SEMA6A: variants seen among roughly 807,000 people sequenced by gnomAD.
SEMA6A encodes the protein semaphorin-6A.
Under a neutral mutation model 96.8 loss-of-function variants are expected in SEMA6A, and 25 were observed. That is an observed-to-expected ratio of 0.26 (90% CI 0.19 to 0.36). The LOEUF (loss-of-function observed/expected upper bound fraction) is 0.36, where lower values mean the gene tolerates loss of function less well. Among genes scored for constraint, SEMA6A ranks in the 10% least tolerant of loss-of-function variants. SEMA6A has a pLI of 1.00. For missense variants in SEMA6A, 1,363 were observed against 1,323.1 expected, an observed-to-expected ratio of 1.03 and a Z score of -0.47; for synonymous variants, 612 against 518.0, an observed-to-expected ratio of 1.18 and a Z score of -2.46.
Position 116,486,800 on chromosome 5 carries a change from C to A in SEMA6A, c.911G>T (p.Arg304Leu). 6.2e-7 allele frequency: 1 copy of A among 1,613,794 alleles called. No homozygotes were observed. Among genetic ancestry groups the A allele is most frequent in the Non-Finnish European group, 8.5e-7 (1 of 1,179,798 alleles). The change falls in exon 10 of 19, where the codon CGT (arginine) becomes CTT (leucine). Residue 304 changes from arginine to leucine, a missense_variant. Physicochemically the swap from Arg to Leu is moderately radical, Grantham distance 102 (BLOSUM62 -2). Around this residue, in one of 2 missense-constraint regions of SEMA6A, gnomAD observed 480 missense variants for 559.5 expected, o/e 0.86. Coordinates refer to ENST00000343348, the MANE Select transcript of SEMA6A (RefSeq NM_020796.5). The part of the protein sequence containing the change: ...NILQAVTDVI[R>L]INGRDVVLAT... The stretch of plus-strand genomic sequence containing the variant: ...CAGGACAACATCACGCCCGTTGATA[C>A]GAATCACATCTGTAACTGCCTGGAG...
chr5:116,545,412 A>T (rs1205234831), intron 1 of SEMA6A, among the ~76,000 whole-genome samples: 1 of 152,150 alleles, frequency 6.6e-6, no homozygotes, highest in African/African-American at 2.4e-5. Context: ...TCTACTAAAA[A>T]TACAAAAATT....
At chr5:116,487,369 T>G (rs917978134) in intron 9 of SEMA6A, 20 of 181,358 alleles carry the variant, frequency 1.1e-4, no homozygotes, top group Non-Finnish European at 1.9e-4. Flanking sequence ...ACCCTCCAAC[T>G]TAGGGACCTT....
chr5:116,478,360 A>G (rs1458339802), intron 13 of SEMA6A, 182 bp downstream of exon 13: 4 of 606,500 alleles, frequency 6.6e-6, no homozygotes, highest in Non-Finnish European at 1.1e-5. Flanking sequence ...ATCTATATAA[A>G]CACACACACA....
intron 6 of SEMA6A, among the ~76,000 whole-genome samples, chr5:116,492,872 TA>T (rs569339176): frequency 8.5e-4 from 129 of 152,324 alleles, no homozygotes; most frequent in African/African-American, 2.8e-3. Flanking sequence ...GATCTGTTGA[TA>T]AAAAGCACTT....
At position 116,478,657 on chromosome 5, in the gene SEMA6A, C is replaced by A. The variant is rs780858695; in HGVS notation, c.1312G>T (p.Val438Phe). 11 of 1,613,660 alleles carry A rather than the reference C, an allele frequency of 6.8e-6. No individual in the cohort carries two copies. The highest frequency in any genetic ancestry group is 9.3e-6 in the Non-Finnish European group (11 of 1,179,826). ...ATTCCCTTCTCTGATCCCAGAAAAA[C>A]CACAGTGTGATTCTGATATGGCCCA... ...AAGPYQNHTVVFLGSEKGIIL... is the reference protein window; with the variant it reads ...AAGPYQNHTVFFLGSEKGIIL... The change falls in exon 13 of 19, where the codon GTT becomes TTT. Residue 438 changes from valine to phenylalanine, a missense_variant. Val to Phe is a conservative substitution (Grantham distance 50, BLOSUM62 -1). Transcript: ENST00000343348.
At chr5:116,451,369 G>A (rs1327137515) in intron 18 of SEMA6A, among the ~76,000 whole-genome samples, 1 of 152,168 alleles carries the variant, frequency 6.6e-6, no homozygotes, top group African/African-American at 2.4e-5. Flanking sequence ...TGGGAGAGGA[G>A]TAGACCTGTG....
chr5:116,505,139 C>G (rs746632685), intron 1 of SEMA6A, among the ~76,000 whole-genome samples, 157 bp from the exon 2 acceptor site: 8 of 152,104 alleles, frequency 5.3e-5, no homozygotes, highest in Non-Finnish European at 1.0e-4. Context: ...AACTTGTACC[C>G]GTTACCTACT....
intron 1 of SEMA6A, among the ~76,000 whole-genome samples, chr5:116,514,993 AGTGAAGAT>A (rs1298117713): frequency 6.6e-6 from 1 of 152,254 alleles, no homozygotes; most frequent in African/African-American, 2.4e-5. Context: ...CCACCTGGAA[AGTGAAGAT>A]GTTGCAGAGG....
intron 10 of SEMA6A, among the ~76,000 whole-genome samples, chr5:116,483,459 C>A (rs1334551029): frequency 6.6e-6 from 1 of 152,148 alleles, no homozygotes; most frequent in Non-Finnish European, 1.5e-5. Context: ...GCGCCCAGGA[C>A]AAGAGACACG....
At position 116,544,449 on chromosome 5, in the gene SEMA6A, C is replaced by G. The variant is rs376600471; in HGVS notation, c.-39+29736G>C. On this transcript the variant is annotated intron_variant, in intron 1 of 18. Coordinates refer to ENST00000343348, the MANE Select transcript of SEMA6A (RefSeq NM_020796.5). ...GAGATGACAGGCATGTGCCACCATGCCCAGCGAAATTTTTGAATATTTTTT... is the reference window on the plus strand; with the variant it reads ...GAGATGACAGGCATGTGCCACCATGGCCAGCGAAATTTTTGAATATTTTTT... Among the ~76,000 whole-genome samples, 92 of 152,004 alleles carry G rather than the reference C, an allele frequency of 6.1e-4. No individual in the cohort carries two copies. The East Asian group carries it at 0.012, about 20-fold the overall frequency.
intron 10 of SEMA6A, among the ~76,000 whole-genome samples, chr5:116,486,466 A>C (rs541388196): frequency 6.6e-6 from 1 of 152,310 alleles, no homozygotes; most frequent in Non-Finnish European, 1.5e-5. Context: ...TAGGATTACT[A>C]GAAGGATTTA....
intron 18 of SEMA6A, among the ~76,000 whole-genome samples, chr5:116,461,959 C>G (rs1755433144): frequency 6.6e-6 from 1 of 152,106 alleles, no homozygotes; most frequent in African/African-American, 2.4e-5. Flanking sequence ...GGTAATATTA[C>G]TGAAGAAATG....
chr5:116,451,054 G>T (rs941453979), intron 18 of SEMA6A, among the ~76,000 whole-genome samples: 1 of 152,124 alleles, frequency 6.6e-6, no homozygotes, highest in African/African-American at 2.4e-5. Context: ...ATCTCAGTGG[G>T]CTTGGAATTG....
chr5:116,543,784 T>C (rs1029451637), intron 1 of SEMA6A, among the ~76,000 whole-genome samples: 1 of 152,176 alleles, frequency 6.6e-6, no homozygotes, highest in Non-Finnish European at 1.5e-5. Flanking sequence ...CAAGCAGATG[T>C]GTTTGGATAA....
intron 16 of SEMA6A, 78 bp downstream of exon 16, chr5:116,475,467 A>G (rs1756397785): frequency 3.2e-6 from 3 of 951,814 alleles, no homozygotes; most frequent in East Asian, 2.7e-5. Context: ...TCAGTTCCAC[A>G]TGTGAGCTGA....
chr5:116,562,899 C>T (rs79671237), intron 1 of SEMA6A: 120,770 of 605,812 alleles, frequency 0.2, 12,347 homozygotes, highest in Admixed American at 0.24. Context: ...GGGGCCCAGT[C>T]GGCCCTCGAG....
intron 18 of SEMA6A, among the ~76,000 whole-genome samples, chr5:116,463,413 G>A (rs137953425): frequency 1.7e-3 from 263 of 152,280 alleles, no homozygotes; most frequent in African/African-American, 5.8e-3. Context: ...GATAACATCT[G>A]TGATTTATAA....
chr5:116,520,419 A>G (rs981481624), intron 1 of SEMA6A, among the ~76,000 whole-genome samples: 4 of 152,136 alleles, frequency 2.6e-5, no homozygotes, highest in African/African-American at 9.7e-5. Flanking sequence ...TTCAAGAACA[A>G]AGTCTAATGT....
intron 18 of SEMA6A, among the ~76,000 whole-genome samples, chr5:116,458,482 T>A (rs1755156938): frequency 6.6e-6 from 1 of 152,046 alleles, no homozygotes; most frequent in Admixed American, 6.6e-5. Flanking sequence ...TGGCTAGAGA[T>A]TAAAGGTGAG....
Sources: allele counts gnomAD v4.1 joint callset (sites outside exome capture counted in the v4.1 genomes callset), GRCh38; gene constraint gnomAD v4.1.1; regional missense constraint gnomAD v4.1.1; transcripts MANE v1.5; gene names NCBI Gene and HGNC (gene_info 2026-07-23, HGNC 2026-07-21).